Variants in CSMD1 observed in about 807,000 individuals in gnomAD.
The protein encoded by CSMD1 is CUB and Sushi multiple domains 1, also known as CUB and sushi domain-containing protein 1.
Under a neutral mutation model 417.5 loss-of-function variants are expected in CSMD1, and 213 were observed. The observed-to-expected ratio is 0.51, with a 90% confidence interval of 0.46 to 0.57. The LOEUF (loss-of-function observed/expected upper bound fraction) is 0.57, where lower values mean the gene tolerates loss of function less well. Ranked by LOEUF, CSMD1 falls within the 20% of genes least tolerant of loss-of-function variation. The pLI is 0.00. For synonymous variants in CSMD1, 2,862 were observed against 1,736.8 expected (o/e 1.65, Z -16.11); for missense variants, 6,923 against 4,529.7 (o/e 1.53, Z -15.17).
At chr8:4,163,751 C>G (rs1474399377) in intron 3 of CSMD1, among the ~76,000 whole-genome samples, 1 of 152,074 alleles carries the variant, frequency 6.6e-6, no homozygotes, top group African/African-American at 2.4e-5. Context: ...ACTAATACTG[C>G]TAAGCTTACA....
At position 3,949,849 on chromosome 8, in the gene CSMD1, C is replaced by T. The variant is rs968804064; in HGVS notation, c.818+48054G>A. 5 of 453,234 alleles carry T rather than the reference C, an allele frequency of 1.1e-5. No homozygotes were observed. In the Admixed American group the frequency reaches 1.2e-4, roughly 11 times the overall value. The allele number at this position is 453,234 out of a possible 1,614,324, so 28.1% of individuals were successfully genotyped here. On this transcript the variant is annotated intron_variant, in intron 5 of 69. Coordinates refer to ENST00000635120, the MANE Select transcript of CSMD1 (RefSeq NM_033225.6). ...TCCATCTTTCATTGATTGAGGGGAT[C>T]CCTGGGGACATGGCCTCCTCATTCA...
At chr8:4,570,693 G>A (rs1277948710) in intron 2 of CSMD1, among the ~76,000 whole-genome samples, 1 of 152,244 alleles carries the variant, frequency 6.6e-6, no homozygotes, top group East Asian at 1.9e-4. Context: ...TTTTTCTACT[G>A]TTTGGAATAG....
chr8:3,630,269 C>A (rs1317731982), intron 7 of CSMD1, among the ~76,000 whole-genome samples: 1 of 152,044 alleles, frequency 6.6e-6, no homozygotes, highest in Non-Finnish European at 1.5e-5. Flanking sequence ...GACTCTGATG[C>A]AAAATGACAT....
At chr8:4,899,655 T>C (rs1433738877) in intron 1 of CSMD1, among the ~76,000 whole-genome samples, 4 of 152,190 alleles carry the variant, frequency 2.6e-5, no homozygotes, top group African/African-American at 9.7e-5. Context: ...TGCAAAAATA[T>C]AAGATGACCA....
In CSMD1 at chr8:4,966,861, AT is replaced by A. The variant is rs1311305161; in HGVS notation, c.85+27470del. Among the ~76,000 whole-genome samples the A allele has an allele frequency of 4.6e-5, 7 of 152,208 alleles. No homozygotes were observed. The South Asian group carries it at 8.3e-4, about 18-fold the overall frequency. Reference sequence around the variant, plus strand: ...AAATTACTGAAGTTAATTATGTAAGATCATCTTTCCCTTATTCACAAGCACG... The same window carrying A: ...AAATTACTGAAGTTAATTATGTAAGACATCTTTCCCTTATTCACAAGCACG... On this transcript the variant is annotated intron_variant, in intron 1 of 69. Coordinates refer to ENST00000635120, the MANE Select transcript of CSMD1 (RefSeq NM_033225.6).
chr8:4,827,569 A>T (rs1422861820), intron 1 of CSMD1, among the ~76,000 whole-genome samples: 1 of 152,204 alleles, frequency 6.6e-6, no homozygotes, highest in Admixed American at 6.5e-5. Context: ...TTTGTTTATC[A>T]ATGAAAATAC....
intron 5 of CSMD1, among the ~76,000 whole-genome samples, chr8:3,944,087 A>C (rs1362176008): frequency 6.6e-6 from 1 of 152,196 alleles, no homozygotes; most frequent in Non-Finnish European, 1.5e-5. Context: ...ATATACAGTG[A>C]GAAAGAATAA....
At chr8:3,500,732 C>T (rs982334477) in intron 10 of CSMD1, among the ~76,000 whole-genome samples, 2 of 152,070 alleles carry the variant, frequency 1.3e-5, no homozygotes, top group Non-Finnish European at 2.9e-5. Flanking sequence ...GACGTGTGGG[C>T]TTGACTGGAT....
intron 5 of CSMD1, among the ~76,000 whole-genome samples, chr8:3,978,575 C>T (rs891772285): frequency 5.3e-5 from 8 of 152,076 alleles, no homozygotes; most frequent in Non-Finnish European, 1.2e-4. Context: ...CTCATAGGGT[C>T]TAATGAATAG....
At chr8:4,306,503 G>C (rs1184509498) in intron 3 of CSMD1, among the ~76,000 whole-genome samples, 1 of 152,018 alleles carries the variant, frequency 6.6e-6, no homozygotes, top group African/African-American at 2.4e-5. Context: ...CTCATTTCTA[G>C]AACCACTGAT....
chr8:4,503,691 C>T (rs1039869466), intron 2 of CSMD1, among the ~76,000 whole-genome samples: 12 of 152,140 alleles, frequency 7.9e-5, no homozygotes, highest in Middle Eastern at 3.4e-3. Flanking sequence ...AACCTGGACT[C>T]GTCTAATGAA....
chr8:4,221,018 G>A (rs1025318959), intron 3 of CSMD1, among the ~76,000 whole-genome samples: 1 of 152,150 alleles, frequency 6.6e-6, no homozygotes, highest in African/African-American at 2.4e-5. Context: ...GCCCGCAGGA[G>A]GAGGCCAGTG....
At chr8:3,792,792 G>A (rs1395984265) in intron 5 of CSMD1, among the ~76,000 whole-genome samples, 1 of 152,090 alleles carries the variant, frequency 6.6e-6, no homozygotes, top group Non-Finnish European at 1.5e-5. Flanking sequence ...ACAATTTAAG[G>A]CATATATTGA....
intron 2 of CSMD1, among the ~76,000 whole-genome samples, chr8:4,631,707 A>G (rs944338139): frequency 2.0e-5 from 3 of 152,220 alleles, no homozygotes; most frequent in African/African-American, 7.2e-5. Context: ...AACCTATTCT[A>G]TTTTAACAAC....
At chr8:3,851,951 G>A (rs972135100) in intron 5 of CSMD1, among the ~76,000 whole-genome samples, 7 of 152,156 alleles carry the variant, frequency 4.6e-5, no homozygotes, top group Admixed American at 2.0e-4. Flanking sequence ...GTGAGCTAGA[G>A]AGATAGCAGG....
intron 3 of CSMD1, among the ~76,000 whole-genome samples, chr8:4,348,708 C>G (rs142877534): frequency 6.6e-6 from 1 of 151,600 alleles, no homozygotes; most frequent in Non-Finnish European, 1.5e-5. Flanking sequence ...GAATTTTATA[C>G]CAGGAGAATT....
chr8:4,833,011 G>A (rs373460855), intron 1 of CSMD1, among the ~76,000 whole-genome samples: 7 of 152,138 alleles, frequency 4.6e-5, no homozygotes, highest in Admixed American at 1.3e-4. Flanking sequence ...TAAATGGACC[G>A]ACCTTCATCA....
intron 1 of CSMD1, among the ~76,000 whole-genome samples, chr8:4,803,204 A>T: frequency 6.6e-6 from 1 of 152,316 alleles, no homozygotes; most frequent in East Asian, 1.9e-4. Context: ...CCACTTTCCA[A>T]AGTGAGGATA....
chr8:3,881,234 C>T (rs1374731754), intron 5 of CSMD1, among the ~76,000 whole-genome samples: 1 of 147,060 alleles, frequency 6.8e-6, no homozygotes, highest in Non-Finnish European at 1.5e-5. Flanking sequence ...CAACCCAAAC[C>T]TCAACAGAGT....
Sources: gnomAD v4.1 joint callset for allele counts (sites outside exome capture counted in the v4.1 genomes callset) on GRCh38, gnomAD v4.1.1 for gene constraint, MANE v1.5 for transcripts, NCBI Gene and HGNC (gene_info 2026-07-23, HGNC 2026-07-21) for gene names.